Variants in SLAIN2 observed in about 807,000 individuals in gnomAD.
The protein encoded by SLAIN2 is SLAIN motif-containing protein 2.
Under a neutral mutation model 56.6 loss-of-function variants are expected in SLAIN2, and 31 were observed. The observed-to-expected ratio is 0.55, with a 90% CI of 0.41 to 0.74. The LOEUF (loss-of-function observed/expected upper bound fraction) is 0.74, where lower values mean the gene tolerates loss of function less well. Ranked by LOEUF, SLAIN2 falls within the 30% of genes least tolerant of loss-of-function variation. SLAIN2 has a pLI of 0.00. For synonymous variants in SLAIN2, 317 were observed against 284.9 expected, an observed-to-expected ratio of 1.11 and a Z score of -1.13; for missense variants, 777 against 754.2, an observed-to-expected ratio of 1.03 and a Z score of -0.35.
intron 1 of SLAIN2, among the ~76,000 whole-genome samples, chr4:48,346,516 C>G (rs2109731377): frequency 6.6e-6 from 1 of 152,326 alleles, no homozygotes; most frequent in East Asian, 1.9e-4. Flanking sequence ...TTTTTTGTCA[C>G]TCGTGGCTCT....
rs535784708 is a variant in SLAIN2 at position 48,368,851 on chromosome 4, A to G, written c.390-998A>G. Among the ~76,000 whole-genome samples, 43 of 152,368 alleles carry G rather than the reference A, an allele frequency of 2.8e-4. 1 individual carries two copies. The highest frequency in any genetic ancestry group is 2.4e-3 in the Admixed American group (36 of 15,302). ...CATATGAGAGACAGACCTAAGTTAT[A>G]GATGGGGAAAAGAGACAAGTGATGG... is the stretch of plus-strand genomic sequence containing the variant. On this transcript the variant is annotated intron_variant, in intron 1 of 7. Transcript: ENST00000264313.
Position 48,365,054 on chromosome 4 carries a change from G to A in SLAIN2, c.390-4795G>A, listed in dbSNP as rs62309426. 5.4e-3 allele frequency among the ~76,000 whole-genome samples: 826 copies of A among 151,902 alleles called. 4 individuals are homozygous for A. The highest frequency in any genetic ancestry group is 0.014 in the Middle Eastern group (4 of 294). ...TAGCATTAGGTTGTTCATAATATTC[G>A]CTTATATTCCTTTTAATCACAGTAG... On this transcript the variant is annotated intron_variant, in intron 1 of 7. Coordinates refer to ENST00000264313, the MANE Select transcript of SLAIN2 (RefSeq NM_020846.2).
In SLAIN2 at chr4:48,341,668, T is replaced by C; in HGVS notation, c.-72T>C. 6.7e-7 allele frequency: 1 copy of C among 1,492,846 alleles called. No homozygotes were observed. Among genetic ancestry groups the C allele is most frequent in the Non-Finnish European group, 8.9e-7 (1 of 1,120,998 alleles). The allele number at this position is 1,492,846 out of a possible 1,614,324, so 92.5% of individuals were successfully genotyped here. ...CTAGAGTGAGCGGCGGCGACGCCTC[T>C]TTCCTCCGTCTCTTTCCCTGTCGCT... On this transcript the variant is annotated 5_prime_UTR_variant, in exon 1 of 8. Transcript: ENST00000264313.
intron 6 of SLAIN2, among the ~76,000 whole-genome samples, chr4:48,391,763 G>A (rs1486837536): frequency 2.6e-5 from 4 of 152,158 alleles, no homozygotes; most frequent in South Asian, 4.1e-4. Flanking sequence ...TAAAGGAAGC[G>A]ATAGATTTAA....
intron 6 of SLAIN2, among the ~76,000 whole-genome samples, chr4:48,393,386 T>TTTGTGTGTG (rs376243251): frequency 2.4e-4 from 33 of 135,448 alleles, no homozygotes; most frequent in African/African-American, 6.8e-4. Context: ...CATGTCTGGC[T>TTTGTGTGTG]TGTGTGTGTG....
At chr4:48,388,675 C>G (rs1716160033) in intron 6 of SLAIN2, among the ~76,000 whole-genome samples, 1 of 152,190 alleles carries the variant, frequency 6.6e-6, no homozygotes, top group African/African-American at 2.4e-5. Context: ...CCTGAGTCTC[C>G]TATTTTCCTC....
At chr4:48,404,071 C>G (rs1194240422) in intron 6 of SLAIN2, among the ~76,000 whole-genome samples, 1 of 152,168 alleles carries the variant, frequency 6.6e-6, no homozygotes, top group East Asian at 1.9e-4. Flanking sequence ...TTCTTTTCCT[C>G]TTTCTCCATG....
Position 48,341,961 on chromosome 4 carries a change from G to A in SLAIN2, c.222G>A (p.Lys74=). The A allele has an allele frequency of 1.4e-6, 2 of 1,445,032 alleles. No homozygotes were observed. Among genetic ancestry groups the A allele is most frequent in the Non-Finnish European group, 1.8e-6 (2 of 1,104,734 alleles). 89.5% of individuals were successfully genotyped at this position (1,445,032 alleles called of 1,614,324 possible). ...PRGFPLGLSA[K]SGGGPGSGPR... is the part of the protein sequence containing the mutation. ...GCTTCCCCTTGGGCCTCAGCGCCAA[G>A]TCGGGCGGCGGGCCCGGGTCGGGCC... The change falls in exon 1 of 8, where the codon AAG becomes AAA. Residue 74 remains lysine, a synonymous_variant. Transcript: ENST00000264313.
chr4:48,383,958 A>G (rs181849550), intron 6 of SLAIN2, 174 bp downstream of exon 6: 1 of 630,676 alleles, frequency 1.6e-6, no homozygotes, highest in East Asian at 2.9e-5. Flanking sequence ...TTATATTACA[A>G]TTTAAAATTT....
At chr4:48,381,910 C>A (rs373078547) in intron 4 of SLAIN2, among the ~76,000 whole-genome samples, 1 of 151,984 alleles carries the variant, frequency 6.6e-6, no homozygotes, top group Admixed American at 6.6e-5. Flanking sequence ...TGAAGGGCTC[C>A]CAAGGTTGCT....
chr4:48,383,578 G>T, intron 5 of SLAIN2, 69 bp from the exon 6 acceptor site: 4 of 1,262,782 alleles, frequency 3.2e-6, no homozygotes, highest in Non-Finnish European at 2.1e-6. Context: ...ATTTTTGAAT[G>T]CTAGTTAATA....
intron 6 of SLAIN2, among the ~76,000 whole-genome samples, chr4:48,419,373 G>A (rs1717087256): frequency 6.6e-6 from 1 of 152,056 alleles, no homozygotes; most frequent in Non-Finnish European, 1.5e-5. Context: ...CAAAGTGCTG[G>A]GATTACAGGT....
At position 48,424,923 on chromosome 4, in the gene SLAIN2, C is replaced by T. The variant is rs2109795132; in HGVS notation, c.*2846C>T. ...CGTTAAGCATGGTCCTTTAAGGTCA[C>T]ATGACGTTTGATTTGCAAACATTTC... On this transcript the variant is annotated 3_prime_UTR_variant, in exon 8 of 8. Transcript: ENST00000264313. 6.6e-6 allele frequency: 1 copy of T among 152,228 alleles called. No individual in the cohort carries two copies. Among genetic ancestry groups the T allele is most frequent in the Admixed American group, 6.5e-5 (1 of 15,286 alleles). 9.4% of individuals were successfully genotyped at this position (152,228 alleles called of 1,614,324 possible).
At chr4:48,421,864 T>G in intron 7 of SLAIN2, 147 bp from the exon 8 acceptor site, 1 of 608,414 alleles carries the variant, frequency 1.6e-6, no homozygotes, top group East Asian at 2.9e-5. Context: ...GAGGTTGTAC[T>G]AGTACCTGTT....
intron 1 of SLAIN2, among the ~76,000 whole-genome samples, chr4:48,368,488 A>C (rs1715584535): frequency 6.6e-6 from 1 of 152,198 alleles, no homozygotes; most frequent in Non-Finnish European, 1.5e-5. Context: ...ATATTGAAAG[A>C]GTAGTGATAA....
chr4:48,383,497 G>T (rs998182259), intron 5 of SLAIN2, 150 bp from the exon 6 acceptor site: 1,787 of 617,112 alleles, frequency 2.9e-3, no homozygotes, highest in Middle Eastern at 4.9e-3. Context: ...CGAGTTGTTT[G>T]TTTTTTTTAA....
chr4:48,382,920 A>G lies in SLAIN2; in HGVS notation c.1215A>G (p.Lys405=). 6.2e-7 allele frequency: 1 copy of G among 1,600,086 alleles called. No homozygotes were observed. Among genetic ancestry groups the G allele is most frequent in the African/African-American group, 1.3e-5 (1 of 74,728 alleles). Residue 405 remains lysine (K), a synonymous_variant, in exon 5 of 8, where the codon AAA becomes AAG. Coordinates refer to ENST00000264313, the MANE Select transcript of SLAIN2 (RefSeq NM_020846.2). Reference sequence around the variant, plus strand: ...CAGATTTACAGACAAGCAATGTTAAAAATGAAGGTAAAATAGCAGATTTTA... The same window carrying G: ...CAGATTTACAGACAAGCAATGTTAAGAATGAAGGTAAAATAGCAGATTTTA... ...HPTDLQTSNV[K]NEEKLRRSLP... is the part of the protein sequence containing the mutation.
intron 6 of SLAIN2, among the ~76,000 whole-genome samples, chr4:48,384,837 AAAAATG>A (rs1716061309): frequency 6.6e-6 from 1 of 152,234 alleles, no homozygotes; most frequent in Non-Finnish European, 1.5e-5. Flanking sequence ...ATTACACAAT[AAAAATG>A]ATAGGATGAT....
chr4:48,364,095 C>T (rs1433245404), intron 1 of SLAIN2, among the ~76,000 whole-genome samples: 1 of 70,928 alleles, frequency 1.4e-5, no homozygotes, highest in African/African-American at 5.2e-5. Context: ...AGCTGCCGGG[C>T]GGAGGGGCTC....
Sources: allele counts gnomAD v4.1 joint callset (sites outside exome capture counted in the v4.1 genomes callset), GRCh38; gene constraint gnomAD v4.1.1; transcripts MANE v1.5; gene names NCBI Gene and HGNC (gene_info 2026-07-23, HGNC 2026-07-21).